Variants in RNF213 observed in about 807,000 individuals in gnomAD.
RNF213 encodes E3 ubiquitin-protein ligase RNF213.
A neutral mutation model predicts 514.4 loss-of-function variants in RNF213; 341 were observed. The observed-to-expected ratio is 0.66, with a 90% CI of 0.61 to 0.73. The LOEUF (loss-of-function observed/expected upper bound fraction) is 0.73, where lower values mean the gene tolerates loss of function less well. RNF213 is among the 30% of genes least tolerant of loss of function. The probability of loss-of-function intolerance (pLI) is 0.00; values close to 1 mark genes in which losing one functional copy is unlikely to be tolerated. For synonymous variants in RNF213, 2,655 were observed against 2,658.2 expected, an observed-to-expected ratio of 1.00 and a Z score of 0.04; for missense variants, 5,767 against 6,615.6, an observed-to-expected ratio of 0.87 and a Z score of 4.45.
rs2080632160 is a variant in RNF213 at position 80,395,286 on chromosome 17, AT to A, written c.*1789del. ...TATTTTACTTGTCACACCTGTCTTA[AT>A]AAACTGGAGTTTTGCTGCTAAAGAA... On this transcript the variant is annotated 3_prime_UTR_variant, in exon 68 of 68. Transcript: ENST00000582970. 1.3e-5 allele frequency: 2 copies of A among 152,152 alleles called. No homozygotes were observed. The highest frequency in any genetic ancestry group is 6.5e-5 in the Admixed American group (1 of 15,282). The allele number at this position is 152,152 out of a possible 1,614,324, so 9.4% of individuals were successfully genotyped here. A position where few individuals can be genotyped will look rare whatever the true frequency, so the allele number is the denominator to read the frequency against.
At chr17:80,379,882 G>A (rs924050673) in intron 55 of RNF213, 168 bp downstream of exon 55, 1 of 673,720 alleles carries the variant, frequency 1.5e-6, no homozygotes, top group Non-Finnish European at 2.7e-6. Context: ...ACACAGCAGG[G>A]AGGCATCTGA....
At chr17:80,273,465 G>A in intron 3 of RNF213, 61 bp downstream of exon 3, 1 of 1,600,640 alleles carries the variant, frequency 6.2e-7, no homozygotes. Flanking sequence ...AAATCTCACT[G>A]CACAGCTGCC....
At chr17:80,268,974 C>T (rs1427488041) in intron 2 of RNF213, among the ~76,000 whole-genome samples, 4 of 152,144 alleles carry the variant, frequency 2.6e-5, no homozygotes, top group African/African-American at 7.2e-5. Flanking sequence ...GCTGAAGACC[C>T]GAGATCCCCC....
At chr17:80,303,580 T>C (rs551839991) in intron 11 of RNF213, among the ~76,000 whole-genome samples, 1 of 150,804 alleles carries the variant, frequency 6.6e-6, no homozygotes, top group African/African-American at 2.4e-5. Context: ...TTTTTTTTTT[T>C]TTTGAGACAG....
Position 80,377,607 on chromosome 17 carries a change from G to T in RNF213, c.13511-155G>T. The stretch of plus-strand genomic sequence containing the variant: ...ACATACATTTATTAAGCTTCAGGCA[G>T]GTGTCATGTAACTTAACAAATTAGC... On this transcript the variant is annotated intron_variant, in intron 53 of 67. Coordinates refer to ENST00000582970, the MANE Select transcript of RNF213 (RefSeq NM_001256071.3). The surrounding 1 kb of genome is among the most constrained non-coding windows in gnomAD (Gnocchi z 4.1). 1 of 795,662 alleles carries T rather than the reference G, an allele frequency of 1.3e-6. No homozygotes were observed. The highest frequency in any genetic ancestry group is 2.3e-6 in the Non-Finnish European group (1 of 436,640). The allele number at this position is 795,662 out of a possible 1,614,324, so 49.3% of individuals were successfully genotyped here.
chr17:80,273,695 C>A (rs1380828055), intron 3 of RNF213, among the ~76,000 whole-genome samples: 1 of 148,580 alleles, frequency 6.7e-6, no homozygotes, highest in Non-Finnish European at 1.5e-5. Flanking sequence ...TCTCGGCTCG[C>A]TGCAGCCTCC....
intron 58 of RNF213, 54 bp downstream of exon 58, chr17:80,383,124 C>G (rs2080090201): frequency 7.8e-7 from 1 of 1,284,904 alleles, no homozygotes; most frequent in African/African-American, 1.5e-5. Context: ...AAGGAAGGGT[C>G]CCGGCGTCTG....
In RNF213 at chr17:80,369,595, GC is replaced by G; in HGVS notation, c.12251del (p.Pro4084LeufsTer5). The G allele has an allele frequency of 6.2e-7, 1 of 1,614,206 alleles. No homozygotes were observed. The highest frequency in any genetic ancestry group is 8.5e-7 in the Non-Finnish European group (1 of 1,180,034). ...STICFKDNAP[P>X]EKEVIESLLS... The stretch of plus-strand genomic sequence containing the variant: ...CCATTTGCTTCAAGGACAACGCTCC[GC>G]CTGAGAAGGAAGTGATTGAGAGCCT... On this transcript the variant is annotated frameshift_variant, in exon 45 of 68. Coordinates refer to ENST00000582970, the MANE Select transcript of RNF213 (RefSeq NM_001256071.3). LOFTEE classifies it high-confidence loss of function.
At chr17:80,280,273 CGAG>C (rs936209311) in intron 3 of RNF213, among the ~76,000 whole-genome samples, 4 of 152,126 alleles carry the variant, frequency 2.6e-5, no homozygotes, top group Non-Finnish European at 5.9e-5. Context: ...ATAGGCCATG[CGAG>C]GAGAAGAAGG....
At chr17:80,302,999 G>T (rs1194657810) in intron 11 of RNF213, among the ~76,000 whole-genome samples, 1 of 152,138 alleles carries the variant, frequency 6.6e-6, no homozygotes, top group African/African-American at 2.4e-5. Flanking sequence ...GCCTTGAAAT[G>T]GTCTTTCTCT....
rs1013179727 is a variant in RNF213, at chr17:80,291,492, G to T, written c.1272-136G>T. On this transcript the variant is annotated intron_variant, in intron 7 of 67. Coordinates refer to ENST00000582970, the MANE Select transcript of RNF213 (RefSeq NM_001256071.3). The stretch of plus-strand genomic sequence containing the variant: ...CCCGCCTCAGCCTCCCATGGTGTTG[G>T]GATTTCAGGCATGGGCCACTGAACC... The T allele has an allele frequency of 7.9e-5, 68 of 861,860 alleles. 2 individuals are homozygous for T. The highest frequency in any genetic ancestry group is 3.5e-4 in the East Asian group (14 of 40,134). The allele number at this position is 861,860 out of a possible 1,614,324, so 53.4% of individuals were successfully genotyped here.
In RNF213 at chr17:80,332,551, G is replaced by T. The variant is rs192173389; in HGVS notation, c.4063G>T (p.Ala1355Ser). 1.3e-6 allele frequency: 2 copies of T among 1,535,526 alleles called. No individual in the cohort carries two copies. Among genetic ancestry groups the T allele is most frequent in the South Asian group, 1.2e-5 (1 of 84,018 alleles). ...EYHHLHQAVH[A>S]AKVILQVKES... ...CCATCACCTGCACCAGGCTGTCCAC[G>T]CAGCCAAGGTCATCTTGCAGGTCAA... is the stretch of plus-strand genomic sequence containing the variant. Residue 1355 changes from alanine (A) to serine (S), a missense_variant, in exon 21 of 68, where the codon GCA (alanine) becomes TCA (serine). By Grantham distance (99) the Ala-to-Ser change is moderately conservative. Coordinates refer to ENST00000582970, the MANE Select transcript of RNF213 (RefSeq NM_001256071.3).
chr17:80,371,627 A>G (rs2079521442), intron 46 of RNF213: 1 of 349,008 alleles, frequency 2.9e-6, no homozygotes, highest in Non-Finnish European at 5.2e-6. Flanking sequence ...GGGGTTCTCA[A>G]TTTTTAAGAC....
intron 13 of RNF213, among the ~76,000 whole-genome samples, chr17:80,307,971 G>A (rs752023811): frequency 2.0e-5 from 3 of 151,046 alleles, no homozygotes; most frequent in Non-Finnish European, 4.4e-5. Context: ...AAATAGTCAT[G>A]ATACTGCATA....
At chr17:80,380,415 C>T (rs532718131) in intron 55 of RNF213, among the ~76,000 whole-genome samples, 11 of 152,280 alleles carry the variant, frequency 7.2e-5, no homozygotes, top group South Asian at 2.1e-4. Context: ...TCCTCTCTGC[C>T]GGACTTTAGA....
intron 3 of RNF213, among the ~76,000 whole-genome samples, chr17:80,287,177 TGG>T (rs2044502139): frequency 1.4e-5 from 2 of 147,800 alleles, no homozygotes; most frequent in African/African-American, 4.9e-5. Context: ...CTGAGCAACA[TGG>T]GAGACTCTGC....
chr17:80,327,878 G>C lies in RNF213; in HGVS notation c.3256G>C (p.Asp1086His), dbSNP rs768142611. ...TGCCAAGAGGCTGATAGCTGTTGCC[G>C]ACTCTGTGTTGACGAAAGTTGTTGG... ...EDAKRLIAVA[D>H]SVLTKVVGDL... The change falls in exon 19 of 68, where the codon GAC (aspartate) becomes CAC (histidine). Residue 1086 changes from aspartate to histidine, a missense_variant. By Grantham distance (81) the Asp-to-His change is moderately conservative. Around this residue, in one of 13 missense-constraint regions of RNF213, gnomAD observed 516 missense variants for 566.5 expected, o/e 0.91. Transcript: ENST00000582970. 2 of 1,537,252 alleles carry C rather than the reference G, an allele frequency of 1.3e-6. No individual in the cohort carries two copies. Among genetic ancestry groups the C allele is most frequent in the Admixed American group, 3.9e-5 (2 of 51,004 alleles).
chr17:80,389,334 G>A lies in RNF213; in HGVS notation c.15162G>A (p.Leu5054=). The A allele has an allele frequency of 6.2e-7, 1 of 1,614,206 alleles. No individual in the cohort carries two copies. Among genetic ancestry groups the A allele is most frequent in the South Asian group, 1.1e-5 (1 of 91,080 alleles). ...MQLNVYTQDI[L]QMGDQTIHVL... is the part of the protein sequence containing the mutation. ...TGAATGTGTATACTCAAGACATCCT[G>A]CAAATGGGTGATCAGACGATTCACG... is the stretch of plus-strand genomic sequence containing the variant. Residue 5054 remains leucine, a synonymous_variant, in exon 65 of 68, where the codon CTG becomes CTA. Coordinates refer to ENST00000582970, the MANE Select transcript of RNF213 (RefSeq NM_001256071.3).
Position 80,385,638 on chromosome 17 carries a change from CT to C in RNF213, c.14539+18del, listed in dbSNP as rs1376570866. ...AGACGAACGGTTAGTATCCTGTCCC[CT>C]GTACCACTAAGCGTTCCAGGAGAGC... On this transcript the variant is annotated intron_variant, in intron 61 of 67. Coordinates refer to ENST00000582970, the MANE Select transcript of RNF213 (RefSeq NM_001256071.3). 5 of 1,608,270 alleles carry C rather than the reference CT, an allele frequency of 3.1e-6. No homozygotes were observed. Among genetic ancestry groups the C allele is most frequent in the African/African-American group, 2.7e-5 (2 of 74,860 alleles).
Sources: gnomAD v4.1 joint callset for allele counts (sites outside exome capture counted in the v4.1 genomes callset) on GRCh38, gnomAD v4.1.1 for gene constraint, gnomAD v4.1.1 regional missense constraint, Gnocchi (gnomAD v3.1) non-coding constraint, MANE v1.5 for transcripts, NCBI Gene and HGNC (gene_info 2026-07-23, HGNC 2026-07-21) for gene names.